The following GPHN variants were observed in gnomAD, a reference collection of about 807,000 sequenced individuals.
The protein encoded by GPHN is gephyrin.
A neutral mutation model predicts 95.5 loss-of-function variants in GPHN; 17 were observed. The ratio of observed to expected loss-of-function variants is 0.18; its 90% CI spans 0.12 to 0.27. The LOEUF (loss-of-function observed/expected upper bound fraction) is 0.27. GPHN is among the 10% of genes least tolerant of loss of function. The pLI, the probability that GPHN is intolerant of heterozygous loss-of-function variation, is 1.00. For synonymous variants in GPHN, 320 were observed against 322.5 expected, an observed-to-expected ratio of 0.99 and a Z score of 0.08; for missense variants, 660 against 978.1, an observed-to-expected ratio of 0.67 and a Z score of 4.34.
At chr14:67,161,746 C>T (rs1181313235) in intron 19 of GPHN, among the ~76,000 whole-genome samples, 1 of 151,702 alleles carries the variant, frequency 6.6e-6, no homozygotes, top group Non-Finnish European at 1.5e-5. Context: ...GAGTAAGACC[C>T]TGCCTCAAAA....
chr14:67,463,418 T>C, the GPHN span, among the ~76,000 whole-genome samples: 1 of 152,080 alleles, frequency 6.6e-6, no homozygotes, highest in African/African-American at 2.4e-5. Context: ...GGCGGGTGGA[T>C]CACAAGGTCA....
intron 2 of GPHN, among the ~76,000 whole-genome samples, chr14:66,769,360 C>T (rs761350342): frequency 1.8e-4 from 27 of 151,900 alleles, no homozygotes; most frequent in Non-Finnish European, 3.4e-4. Context: ...GGTACATGTT[C>T]AGATTTGTTA....
At chr14:67,283,615 C>G in the GPHN span, among the ~76,000 whole-genome samples, 1 of 151,834 alleles carries the variant, frequency 6.6e-6, no homozygotes, top group Admixed American at 6.5e-5. Context: ...TTTTATCTTC[C>G]TGGAATTGAA....
At chr14:67,151,014 A>G (rs1379023933) in intron 18 of GPHN, among the ~76,000 whole-genome samples, 2 of 152,194 alleles carry the variant, frequency 1.3e-5, no homozygotes, top group East Asian at 1.9e-4. Context: ...TTATCTAGGA[A>G]TTTTAGAAAT....
At chr14:67,050,070 G>A (rs1228760135) in intron 10 of GPHN, among the ~76,000 whole-genome samples, 1 of 152,084 alleles carries the variant, frequency 6.6e-6, no homozygotes, top group Admixed American at 6.5e-5. Flanking sequence ...TTTAACCAAG[G>A]ACCGGTATCA....
the GPHN span, among the ~76,000 whole-genome samples, chr14:67,371,064 G>A: frequency 2.6e-5 from 4 of 152,092 alleles, no homozygotes; most frequent in African/African-American, 9.7e-5. Context: ...TTAAATTGAT[G>A]AGTTGTATCA....
At chr14:67,709,100 C>T in the GPHN span, among the ~76,000 whole-genome samples, 2 of 152,076 alleles carry the variant, frequency 1.3e-5, no homozygotes, top group African/African-American at 4.8e-5. Context: ...CCAACAATAT[C>T]TTAAAGGATT....
the GPHN span, among the ~76,000 whole-genome samples, chr14:67,358,817 T>G: frequency 6.6e-6 from 1 of 152,100 alleles, no homozygotes; most frequent in Non-Finnish European, 1.5e-5. Flanking sequence ...ACACCTACAG[T>G]GATATGCCAT....
At chr14:66,873,341 TG>T (rs1200214983) in intron 4 of GPHN, among the ~76,000 whole-genome samples, 2 of 152,202 alleles carry the variant, frequency 1.3e-5, no homozygotes, top group East Asian at 3.9e-4. Context: ...GGAGGCCATT[TG>T]GGCAGACACC....
At chr14:67,607,447 A>G in the GPHN span, among the ~76,000 whole-genome samples, 1 of 152,036 alleles carries the variant, frequency 6.6e-6, no homozygotes, top group Non-Finnish European at 1.5e-5. Flanking sequence ...GCTCACTGCA[A>G]CCTCTGCCTC....
the GPHN span, among the ~76,000 whole-genome samples, chr14:67,617,870 G>A: frequency 2.0e-5 from 3 of 152,088 alleles, no homozygotes; most frequent in South Asian, 2.1e-4. Flanking sequence ...ACAGGTGCCC[G>A]CCACCATGCC....
chr14:66,900,378 T>C (rs1171112090), intron 5 of GPHN, among the ~76,000 whole-genome samples: 1 of 152,002 alleles, frequency 6.6e-6, no homozygotes, highest in East Asian at 1.9e-4. Context: ...TTTAGGTGCA[T>C]TCCATGAATT....
At chr14:66,955,218 A>G (rs1445080769) in intron 8 of GPHN, among the ~76,000 whole-genome samples, 1 of 152,176 alleles carries the variant, frequency 6.6e-6, no homozygotes, top group African/African-American at 2.4e-5. Flanking sequence ...AGAATTCCCT[A>G]GTGAGGCCAT....
rs113156712 is a variant in GPHN, at chr14:67,173,552, G to C, written c.2079+4516G>C. The stretch of plus-strand genomic sequence containing the variant: ...CCAGCTGGCACACTAAAACCCAACT[G>C]CAAATGAAAGACTTTTTCTATGGAA... On this transcript the variant is annotated intron_variant, in intron 21 of 22. Coordinates refer to ENST00000478722, the MANE Select transcript of GPHN (RefSeq NM_020806.5). 7.9e-5 allele frequency among the ~76,000 whole-genome samples: 12 copies of C among 152,114 alleles called. 2 individuals are homozygous for C. The highest frequency in any genetic ancestry group is 2.9e-4 in the African/African-American group (12 of 41,472).
chr14:66,564,431 T>C (rs2060379123), intron 1 of GPHN, among the ~76,000 whole-genome samples: 1 of 152,196 alleles, frequency 6.6e-6, no homozygotes, highest in Non-Finnish European at 1.5e-5. Flanking sequence ...CTTTTACTTT[T>C]CCATGTTTAC....
At chr14:66,610,174 G>T (rs1375848313) in intron 1 of GPHN, among the ~76,000 whole-genome samples, 1 of 152,098 alleles carries the variant, frequency 6.6e-6, no homozygotes, top group Non-Finnish European at 1.5e-5. Context: ...CTTTCCCTGG[G>T]TTTCACAGAT....
chr14:66,583,952 A>G (rs1475496410), intron 1 of GPHN, among the ~76,000 whole-genome samples: 2 of 152,044 alleles, frequency 1.3e-5, no homozygotes, highest in Non-Finnish European at 2.9e-5. Flanking sequence ...TGGGGATGGC[A>G]TTGAATCTAT....
downstream of GPHN, among the ~76,000 whole-genome samples, chr14:67,184,065 T>G (rs962238589): frequency 2.0e-5 from 3 of 152,050 alleles, no homozygotes; most frequent in Non-Finnish European, 4.4e-5. Flanking sequence ...GCTCAAGTGA[T>G]CCGCCCATCT....
At chr14:67,212,880 C>T in the GPHN span, among the ~76,000 whole-genome samples, 12 of 149,784 alleles carry the variant, frequency 8.0e-5, no homozygotes, top group South Asian at 2.3e-3. Context: ...AATCCCAGAG[C>T]CTCTAGATAC....
Sources: allele counts gnomAD v4.1 joint callset (sites outside exome capture counted in the v4.1 genomes callset), GRCh38; gene constraint gnomAD v4.1.1; transcripts MANE v1.5; gene names NCBI Gene and HGNC (gene_info 2026-07-23, HGNC 2026-07-21).